CDH13: variants seen among roughly 807,000 people sequenced by gnomAD.
The protein encoded by CDH13 is cadherin 13, also known as cadherin-13.
In CDH13, 24 loss-of-function variants were observed where a neutral mutation model predicts 63.8. The observed-to-expected ratio is 0.38, with a 90% CI of 0.27 to 0.53. The LOEUF is 0.53. CDH13 is among the 20% of genes least tolerant of loss of function. The pLI, the probability that CDH13 is intolerant of heterozygous loss-of-function variation, is 0.85. For synonymous variants in CDH13, 503 were observed against 355.3 expected (o/e 1.42, Z -4.67); for missense variants, 1,049 against 903.1 (o/e 1.16, Z -2.07).
rs1354402225 is a variant in CDH13, at chr16:82,937,743, A to G, written c.157+79270A>G. 2.6e-5 allele frequency among the ~76,000 whole-genome samples: 4 copies of G among 152,108 alleles called. No homozygotes were observed. In the East Asian group the frequency reaches 7.7e-4, roughly 29 times the overall value. ...GGTCATCATGAATCAAGCGTCCATA[A>G]TATCTGTTTGTCCACATATAACCTA... On this transcript the variant is annotated intron_variant, in intron 2 of 13. Transcript: ENST00000567109.
chr16:83,377,357 T>C (rs991228528), intron 6 of CDH13, among the ~76,000 whole-genome samples: 1 of 152,304 alleles, frequency 6.6e-6, no homozygotes, highest in African/African-American at 2.4e-5. Context: ...CTAAAAAGCC[T>C]GGTCCATCTC....
intron 5 of CDH13, among the ~76,000 whole-genome samples, chr16:83,279,368 C>T (rs777982467): frequency 7.9e-5 from 12 of 152,234 alleles, no homozygotes; most frequent in Middle Eastern, 3.4e-3. Context: ...GTCACAATGC[C>T]GAGGGGCTCC....
chr16:83,486,707 C>A, intron 7 of CDH13, 52 bp downstream of exon 7: 1 of 1,545,074 alleles, frequency 6.5e-7, no homozygotes. Context: ...ATGTGGCTTT[C>A]ATGCAAGGGA....
At chr16:82,898,441 C>A (rs1597167196) in intron 2 of CDH13, among the ~76,000 whole-genome samples, 1 of 152,206 alleles carries the variant, frequency 6.6e-6, no homozygotes, top group African/African-American at 2.4e-5. Context: ...AGGAGAATTA[C>A]TTGAACCTGG....
At chr16:82,839,124 C>T (rs1411979628) in intron 1 of CDH13, among the ~76,000 whole-genome samples, 1 of 152,162 alleles carries the variant, frequency 6.6e-6, no homozygotes, top group African/African-American at 2.4e-5. Context: ...ATGGTTTAGC[C>T]AGTGGAGGAT....
chr16:83,146,536 A>G (rs2036758450), intron 4 of CDH13, among the ~76,000 whole-genome samples: 1 of 152,270 alleles, frequency 6.6e-6, no homozygotes, highest in Non-Finnish European at 1.5e-5. Flanking sequence ...GTTTTAAGCT[A>G]ACTATATCTG....
chr16:82,924,001 G>A (rs750323652), intron 2 of CDH13, among the ~76,000 whole-genome samples: 2 of 152,112 alleles, frequency 1.3e-5, no homozygotes, highest in Non-Finnish European at 2.9e-5. Flanking sequence ...GTAACAATTG[G>A]CTTCTCAAAA....
At chr16:83,722,012 T>C (rs1367912531) in intron 10 of CDH13, among the ~76,000 whole-genome samples, 1 of 152,086 alleles carries the variant, frequency 6.6e-6, no homozygotes, top group East Asian at 1.9e-4. Flanking sequence ...GAGGGGTCCA[T>C]GTGCAAAAGA....
Position 83,066,459 on chromosome 16 carries a change from G to A in CDH13, c.366+34241G>A, listed in dbSNP as rs538947069. On this transcript the variant is annotated intron_variant, in intron 3 of 13. Transcript: ENST00000567109. The stretch of plus-strand genomic sequence containing the variant: ...CCAAGCTGGGAGGCCTTCTGACCGA[G>A]GACCTCCTGAAGTCATCAACCCAAA... 6.6e-5 allele frequency among the ~76,000 whole-genome samples: 10 copies of A among 152,298 alleles called. No individual in the cohort carries two copies. The East Asian group carries it at 1.9e-3, about 29-fold the overall frequency.
intron 7 of CDH13, among the ~76,000 whole-genome samples, chr16:83,559,798 A>G (rs960465588): frequency 6.6e-6 from 1 of 152,224 alleles, no homozygotes; most frequent in Non-Finnish European, 1.5e-5. Context: ...TTGGAAGCCA[A>G]GAAGCCGAAG....
intron 5 of CDH13, among the ~76,000 whole-genome samples, chr16:83,292,868 A>C (rs576623176): frequency 2.2e-4 from 33 of 152,176 alleles, no homozygotes; most frequent in Non-Finnish European, 4.1e-4. Context: ...AAATTAAGAA[A>C]TTTTTAGTGA....
chr16:82,790,457 G>A (rs567426667), intron 1 of CDH13, among the ~76,000 whole-genome samples: 34 of 152,040 alleles, frequency 2.2e-4, no homozygotes, highest in Non-Finnish European at 4.7e-4. Context: ...CAGAAAAATT[G>A]CTAATTATGC....
At chr16:83,449,613 A>G (rs1598048043) in intron 6 of CDH13, among the ~76,000 whole-genome samples, 1 of 152,192 alleles carries the variant, frequency 6.6e-6, no homozygotes, top group Non-Finnish European at 1.5e-5. Flanking sequence ...GGTTCTAAAT[A>G]CACAGGATGC....
chr16:82,863,372 G>T (rs893938719), intron 2 of CDH13, among the ~76,000 whole-genome samples: 19 of 152,168 alleles, frequency 1.2e-4, no homozygotes, highest in Non-Finnish European at 2.8e-4. Context: ...AACACTAGGG[G>T]AGGGACAGCA....
intron 2 of CDH13, among the ~76,000 whole-genome samples, chr16:82,969,111 G>A (rs888129515): frequency 1.3e-5 from 2 of 151,990 alleles, no homozygotes; most frequent in South Asian, 2.1e-4. Flanking sequence ...TCTCTCAAAC[G>A]AAAAAGAAAT....
Position 83,180,157 on chromosome 16 carries a change from GGTTT to G in CDH13, c.484-37175_484-37172del, listed in dbSNP as rs542981002. ...AAGTAAGGTTTTTTTTGTTGTTGTT[GGTTT>G]GTTTGTTTGTTTTTTTTATTAGGAA... is the stretch of plus-strand genomic sequence containing the variant. On this transcript the variant is annotated intron_variant, in intron 4 of 13. Coordinates refer to ENST00000567109, the MANE Select transcript of CDH13 (RefSeq NM_001257.5). Among the ~76,000 whole-genome samples, 95 of 141,310 alleles carry G rather than the reference GGTTT, an allele frequency of 6.7e-4. No individual in the cohort carries two copies. The South Asian group carries it at 7.3e-3, about 11-fold the overall frequency. The allele number at this position is 141,310 out of a possible 152,430, so 92.7% of individuals were successfully genotyped here.
chr16:83,745,946 G>A (rs1401572920), intron 10 of CDH13, among the ~76,000 whole-genome samples: 1 of 152,162 alleles, frequency 6.6e-6, no homozygotes, highest in Non-Finnish European at 1.5e-5. Context: ...AGTTAGCTGG[G>A]AAGCAGCAGT....
chr16:83,467,167 A>G (rs948724610), intron 6 of CDH13, among the ~76,000 whole-genome samples: 1 of 152,210 alleles, frequency 6.6e-6, no homozygotes, highest in Non-Finnish European at 1.5e-5. Context: ...CCCGGCTCTC[A>G]GTAAACTCAA....
In CDH13 at chr16:83,683,769, A is replaced by G. The variant is rs142153681; in HGVS notation, c.1538+5308A>G. Among the ~76,000 whole-genome samples, 465 of 152,334 alleles carry G rather than the reference A, an allele frequency of 3.1e-3. 2 individuals carry two copies. Among genetic ancestry groups the G allele is most frequent in the South Asian group, 0.011 (53 of 4,822 alleles). Reference sequence around the variant, plus strand: ...TGGTTGAGCAAAAGTATTACTGTGTATTGTTAATGTTTTTTGGCATATACA... The same window carrying G: ...TGGTTGAGCAAAAGTATTACTGTGTGTTGTTAATGTTTTTTGGCATATACA... On this transcript the variant is annotated intron_variant, in intron 10 of 13. Coordinates refer to ENST00000567109, the MANE Select transcript of CDH13 (RefSeq NM_001257.5).
Sources: gnomAD v4.1 joint callset for allele counts (sites outside exome capture counted in the v4.1 genomes callset) on GRCh38, gnomAD v4.1.1 for gene constraint, MANE v1.5 for transcripts, NCBI Gene and HGNC (gene_info 2026-07-23, HGNC 2026-07-21) for gene names.